Variants in TLK2 observed in about 807,000 individuals in gnomAD.
TLK2 encodes serine/threonine-protein kinase tousled-like 2.
A neutral mutation model predicts 117.3 loss-of-function variants in TLK2; 6 were observed. The observed-to-expected ratio is 0.05, with a 90% CI of 0.03 to 0.10. TLK2 has a LOEUF of 0.10. Among genes scored for constraint, TLK2 ranks in the 10% least tolerant of loss-of-function variants. TLK2 has a pLI of 1.00. For missense variants in TLK2, 299 were observed against 901.2 expected (o/e 0.33, Z 8.56); for synonymous variants, 257 against 316.7 (o/e 0.81, Z 2.00).
At chr17:62,572,446 T>C (rs543885279) in intron 11 of TLK2, among the ~76,000 whole-genome samples, 1 of 152,248 alleles carries the variant, frequency 6.6e-6, no homozygotes, top group East Asian at 1.9e-4. Flanking sequence ...GAGTTTTTAT[T>C]GGTCCCTAAT....
chr17:62,523,003 A>G, intron 4 of TLK2, 131 bp from the exon 5 acceptor site: 1 of 1,026,976 alleles, frequency 9.7e-7, no homozygotes, highest in Non-Finnish European at 1.3e-6. Flanking sequence ...ATTTTGGCTC[A>G]TTTGTTACAA....
chr17:62,548,091 A>G (rs539340031), intron 7 of TLK2, among the ~76,000 whole-genome samples: 1 of 152,162 alleles, frequency 6.6e-6, no homozygotes, highest in Non-Finnish European at 1.5e-5. Flanking sequence ...AAATGCTTAT[A>G]CTGCAGCATG....
intron 9 of TLK2, among the ~76,000 whole-genome samples, chr17:62,555,038 A>G (rs1198040860): frequency 6.6e-6 from 1 of 152,046 alleles, no homozygotes; most frequent in African/African-American, 2.4e-5. Flanking sequence ...ACACACACAC[A>G]AATGAATATA....
chr17:62,591,931 G>A (rs748458554), intron 16 of TLK2, among the ~76,000 whole-genome samples: 10 of 151,518 alleles, frequency 6.6e-5, no homozygotes, highest in Non-Finnish European at 1.3e-4. Flanking sequence ...TACTGTCTTT[G>A]TAAATAAGAA....
At chr17:62,578,612 A>C (rs748084819) in intron 14 of TLK2, 38 bp downstream of exon 14, 84 of 1,489,030 alleles carry the variant, frequency 5.6e-5, no homozygotes, top group Admixed American at 2.0e-4. Flanking sequence ...GGAGATTGCT[A>C]AGCATTTTAT....
intron 11 of TLK2, 32 bp from the exon 12 acceptor site, chr17:62,573,183 C>G: frequency 6.3e-7 from 1 of 1,583,628 alleles, no homozygotes. Context: ...TTTTGACTTT[C>G]TTTCTTTGTA....
intron 8 of TLK2, 87 bp from the exon 9 acceptor site, chr17:62,553,575 AC>A (rs1037204037): frequency 4.4e-5 from 40 of 906,634 alleles, no homozygotes; most frequent in Non-Finnish European, 6.4e-5. Context: ...GCTTTTTCCC[AC>A]CCCCCCGAGA....
chr17:62,503,029 C>CTCAG (rs1244078335), intron 2 of TLK2, among the ~76,000 whole-genome samples: 1 of 150,598 alleles, frequency 6.6e-6, no homozygotes, highest in Non-Finnish European at 1.5e-5. Context: ...AATGTAGGAC[C>CTCAG]TCAGTTTCCG....
chr17:62,529,110 C>T lies in TLK2; in HGVS notation c.363+4779C>T, dbSNP rs11870899. ...TGGCTGTTCTATCAATTATTAAGAG[C>T]GGTGTGTATATTTGTATCTCTCGCT... On this transcript the variant is annotated intron_variant, in intron 6 of 21. Coordinates refer to ENST00000346027, the MANE Select transcript of TLK2 (RefSeq NM_006852.6). Among the ~76,000 whole-genome samples, 433 of 152,156 alleles carry T rather than the reference C, an allele frequency of 2.8e-3. 5 individuals carry two copies. Among genetic ancestry groups the T allele is most frequent in the Non-Finnish European group, 3.9e-3 (267 of 68,020 alleles).
chr17:62,614,248 T>G lies in TLK2; in HGVS notation c.*1683T>G, dbSNP rs913069665. 6.6e-6 allele frequency: 1 copy of G among 151,972 alleles called. No individual in the cohort carries two copies. The highest frequency in any genetic ancestry group is 1.5e-5 in the Non-Finnish European group (1 of 68,020). The allele number at this position is 151,972 out of a possible 1,614,324, so 9.4% of individuals were successfully genotyped here. The stretch of plus-strand genomic sequence containing the variant: ...TGATCAACTGAAGATGGAGCTGAAA[T>G]GGGAGACGGGTGGCCCCACCGTGCC... On this transcript the variant is annotated 3_prime_UTR_variant, in exon 22 of 22. Transcript: ENST00000346027.
intron 7 of TLK2, among the ~76,000 whole-genome samples, chr17:62,544,399 C>G (rs2077751940): frequency 6.6e-6 from 1 of 152,064 alleles, no homozygotes; most frequent in Non-Finnish European, 1.5e-5. Context: ...GGGAAAGTGC[C>G]ATGCACTTTT....
chr17:62,494,237 C>A (rs1437658917), intron 2 of TLK2, among the ~76,000 whole-genome samples: 1 of 152,140 alleles, frequency 6.6e-6, no homozygotes, highest in South Asian at 2.1e-4. Flanking sequence ...CGTGTGCCGT[C>A]ACGCCTGGCT....
chr17:62,510,293 G>A (rs940106006), intron 2 of TLK2, among the ~76,000 whole-genome samples: 4 of 152,134 alleles, frequency 2.6e-5, no homozygotes, highest in Non-Finnish European at 4.4e-5. Flanking sequence ...CCCAGTCTCA[G>A]GCATTCTGTC....
chr17:62,490,626 C>G (rs1416558964), intron 2 of TLK2, among the ~76,000 whole-genome samples: 1 of 152,204 alleles, frequency 6.6e-6, no homozygotes, highest in African/African-American at 2.4e-5. Context: ...ACTGCAACCT[C>G]CACCTCCCGG....
At chr17:62,511,332 A>G (rs572385002) in intron 2 of TLK2, among the ~76,000 whole-genome samples, 2 of 152,302 alleles carry the variant, frequency 1.3e-5, no homozygotes, top group African/African-American at 4.8e-5. Context: ...CTATAATTTC[A>G]TTATTTCATA....
chr17:62,542,051 G>A (rs1027311732), intron 7 of TLK2, among the ~76,000 whole-genome samples: 27 of 152,182 alleles, frequency 1.8e-4, no homozygotes, highest in Non-Finnish European at 2.9e-4. Context: ...AGAGGGATTA[G>A]AAAAAGGTCA....
intron 3 of TLK2, 94 bp from the exon 4 acceptor site, chr17:62,522,110 G>T: frequency 1.5e-6 from 2 of 1,322,062 alleles, no homozygotes; most frequent in Non-Finnish European, 2.1e-6. Flanking sequence ...AGTTATATCT[G>T]TTTATATATT....
rs529982604 is a variant in TLK2, at chr17:62,583,961, T to C, written c.1369-2174T>C. ...GTTTTTCTTTTGCTGTTCTCCACTCTCCACAATCCTTTCTTAAGTCAGTGG... is the reference window on the plus strand; with the variant it reads ...GTTTTTCTTTTGCTGTTCTCCACTCCCCACAATCCTTTCTTAAGTCAGTGG... On this transcript the variant is annotated intron_variant, in intron 15 of 21. Coordinates refer to ENST00000346027, the MANE Select transcript of TLK2 (RefSeq NM_006852.6). Among the ~76,000 whole-genome samples, 3 of 152,202 alleles carry C rather than the reference T, an allele frequency of 2.0e-5. No homozygotes were observed. The East Asian group carries it at 5.8e-4, about 29-fold the overall frequency.
At chr17:62,519,675 T>C (rs1175385049) in intron 2 of TLK2, among the ~76,000 whole-genome samples, 1 of 152,200 alleles carries the variant, frequency 6.6e-6, no homozygotes, top group Non-Finnish European at 1.5e-5. Context: ...TATAAAATTA[T>C]TTCTTCCTCT....
Sources: gnomAD v4.1 joint callset for allele counts (sites outside exome capture counted in the v4.1 genomes callset) on GRCh38, gnomAD v4.1.1 for gene constraint, MANE v1.5 for transcripts, NCBI Gene and HGNC (gene_info 2026-07-23, HGNC 2026-07-21) for gene names.